CDC25B: variants seen among roughly 807,000 people sequenced by gnomAD.
CDC25B encodes M-phase inducer phosphatase 2.
In CDC25B, 33 loss-of-function variants were observed where a neutral mutation model predicts 69.8. The observed-to-expected ratio is 0.47, with a 90% CI of 0.36 to 0.63. The LOEUF (loss-of-function observed/expected upper bound fraction) is 0.63, where lower values mean the gene tolerates loss of function less well. CDC25B is among the 30% of genes least tolerant of loss of function. The probability of loss-of-function intolerance (pLI) is 0.00; values close to 1 mark genes in which losing one functional copy is unlikely to be tolerated. For missense variants in CDC25B, 727 were observed against 809.1 expected (o/e 0.90, Z 1.23); for synonymous variants, 341 against 314.6 (o/e 1.08, Z -0.89).
At chr20:3,797,849 C>T in intron 2 of CDC25B, 100 bp downstream of exon 2, 6 of 1,439,860 alleles carry the variant, frequency 4.2e-6, no homozygotes, top group Non-Finnish European at 5.7e-6. Flanking sequence ...CTAACATCCT[C>T]CCCACAACCT....
chr20:3,794,800 C>T (rs950382173), upstream of CDC25B, among the ~76,000 whole-genome samples: 2 of 152,278 alleles, frequency 1.3e-5, no homozygotes, highest in Admixed American at 1.3e-4. Flanking sequence ...TTGGCCCACC[C>T]AGCCCCCCAT....
chr20:3,801,346 G>A lies in CDC25B; in HGVS notation c.798G>A (p.Glu266=), dbSNP rs1442910201. The change falls in exon 8 of 16, where the codon GAG becomes GAA. Residue 266 remains glutamate, a synonymous_variant. Coordinates refer to ENST00000245960, the MANE Select transcript of CDC25B (RefSeq NM_021873.4). The part of the protein sequence containing the change: ...FSLTPAEGDT[E]EDDGFVDILE... ...TGACCCCTGCAGAGGGGGATACTGA[G>A]GAAGATGATGGATTTGTGGACATCC... 3.1e-6 allele frequency: 5 copies of A among 1,614,026 alleles called. No individual in the cohort carries two copies. The highest frequency in any genetic ancestry group is 1.7e-5 in the Admixed American group (1 of 59,990).
exon 1 of CDC25B, chr20:3,787,104 A>G (rs1182027363): frequency 3.1e-6 from 2 of 647,930 alleles, no homozygotes; most frequent in African/African-American, 3.7e-5. Flanking sequence ...CAAGAAGTTG[A>G]AAAACGCTTT....
At chr20:3,790,540 G>A (rs1193675053) in intron 1 of CDC25B, among the ~76,000 whole-genome samples, 1 of 150,628 alleles carries the variant, frequency 6.6e-6, no homozygotes, top group East Asian at 2.0e-4. Flanking sequence ...TAACATCTCG[G>A]GCTGGGCACG....
chr20:3,805,134 A>C lies in CDC25B; in HGVS notation c.*173A>C. On this transcript the variant is annotated 3_prime_UTR_variant, in exon 16 of 16. Coordinates refer to ENST00000245960, the MANE Select transcript of CDC25B (RefSeq NM_021873.4). ...CCAGATTCCCCTGTGTCATCCCATC[A>C]TTTTCCATATCCTGGTGCCCCCCAC... 1.5e-6 allele frequency: 1 copy of C among 659,436 alleles called. No individual in the cohort carries two copies. Among genetic ancestry groups the C allele is most frequent in the South Asian group, 2.0e-5 (1 of 49,550 alleles). 40.8% of individuals were successfully genotyped at this position (659,436 alleles called of 1,614,324 possible). A position where few individuals can be genotyped will look rare whatever the true frequency, so the allele number is the denominator to read the frequency against.
intron 2 of CDC25B, 99 bp from the exon 3 acceptor site, chr20:3,798,313 C>CAG: frequency 1.6e-6 from 1 of 624,222 alleles, no homozygotes; most frequent in South Asian, 3.2e-5. Context: ...AAACTAGAAA[C>CAG]TGTTTTTTTT....
chr20:3,802,399 T>TA (rs748087060), intron 11 of CDC25B, 23 bp downstream of exon 11: 1 of 1,555,442 alleles, frequency 6.4e-7, no homozygotes, highest in Non-Finnish European at 8.8e-7. Flanking sequence ...GCGAAGGGGG[T>TA]ACCTTGGGGG....
intron 1 of CDC25B, among the ~76,000 whole-genome samples, chr20:3,790,635 A>G (rs2088900254): frequency 6.6e-6 from 1 of 151,958 alleles, no homozygotes; most frequent in Admixed American, 6.6e-5. Flanking sequence ...CAATGGTGCA[A>G]TGTCAGCTCA....
upstream of CDC25B, among the ~76,000 whole-genome samples, chr20:3,792,571 G>A (rs535384495): frequency 1.3e-5 from 2 of 152,262 alleles, no homozygotes; most frequent in South Asian, 2.1e-4. Context: ...AGGTTCAAGC[G>A]ATTCTCCTGC....
intron 3 of CDC25B, 27 bp from the exon 4 acceptor site, chr20:3,800,261 G>A: frequency 6.2e-7 from 1 of 1,606,130 alleles, no homozygotes; most frequent in Non-Finnish European, 8.5e-7. Flanking sequence ...GGGAGCATGG[G>A]TTGCATGGGA....
chr20:3,802,493 G>T (rs1345793381), intron 11 of CDC25B, 117 bp downstream of exon 11: 1 of 683,332 alleles, frequency 1.5e-6, no homozygotes, highest in Non-Finnish European at 2.5e-6. Context: ...CCTTTTCTTT[G>T]TCCTTTGTAT....
exon 1 of CDC25B, chr20:3,787,094 C>G: frequency 1.7e-6 from 1 of 604,050 alleles, no homozygotes; most frequent in South Asian, 1.9e-5. Flanking sequence ...CTGAAAAATT[C>G]AAGAAGTTGA....
At chr20:3,795,671 C>T (rs1425267012), upstream of CDC25B, 1 of 975,912 alleles carries the variant, frequency 1.0e-6, no homozygotes, top group Non-Finnish European at 1.2e-6. Flanking sequence ...AAGAGCCCAT[C>T]AGTTCCGCTT....
Position 3,800,317 on chromosome 20 carries a change from G to T in CDC25B, c.410G>T (p.Arg137Leu). The T allele has an allele frequency of 6.2e-7, 1 of 1,614,072 alleles. No individual in the cohort carries two copies. Among genetic ancestry groups the T allele is most frequent in the Non-Finnish European group, 8.5e-7 (1 of 1,180,022 alleles). Residue 137 changes from arginine (R) to leucine (L), a missense_variant, in exon 4 of 16, where the codon CGG (arginine) becomes CTG (leucine). By Grantham distance (102) the Arg-to-Leu change is moderately radical (BLOSUM62 -2). Transcript: ENST00000245960. Reference protein sequence around the residue: ...TFEQAIQAASRIIRNEQFAIR... With the variant: ...TFEQAIQAASLIIRNEQFAIR... ...GAACAGGCCATCCAGGCAGCCAGCC[G>T]GATCATTCGAAAGTAAGTGTTCCTG...
intron 2 of CDC25B, 22 bp downstream of exon 2, chr20:3,797,771 G>A: frequency 6.2e-7 from 1 of 1,612,910 alleles, no homozygotes; most frequent in East Asian, 2.2e-5. Context: ...GGGAGCCTGG[G>A]GAGATCTGCC....
chr20:3,797,781 C>G, intron 2 of CDC25B, 32 bp downstream of exon 2: 1 of 1,612,052 alleles, frequency 6.2e-7, no homozygotes, highest in South Asian at 1.1e-5. Flanking sequence ...GGAGATCTGC[C>G]TGTGTCAGGA....
chr20:3,796,341 C>A lies in CDC25B; in HGVS notation c.-191C>A, dbSNP rs941510107. The A allele has an allele frequency of 2.5e-5, 33 of 1,323,606 alleles. No homozygotes were observed. Among genetic ancestry groups the A allele is most frequent in the Non-Finnish European group, 2.9e-5 (30 of 1,040,878 alleles). The allele number at this position is 1,323,606 out of a possible 1,614,324, so 82.0% of individuals were successfully genotyped here. ...TTCCCTGGCTGGTGCCTGAGCCCGGCGTCCCTCGCCCCCCGCCCTCCCCGC... is the reference window on the plus strand; with the variant it reads ...TTCCCTGGCTGGTGCCTGAGCCCGGAGTCCCTCGCCCCCCGCCCTCCCCGC... On this transcript the variant is annotated 5_prime_UTR_variant, in exon 1 of 16. Transcript: ENST00000245960.
At chr20:3,797,879 C>T (rs1175365900) in intron 2 of CDC25B, 130 bp downstream of exon 2, 34 of 1,085,936 alleles carry the variant, frequency 3.1e-5, no homozygotes, top group Non-Finnish European at 4.1e-5. Context: ...AGGAGCCTCT[C>T]CCCCACCCTC....
chr20:3,799,522 G>A (rs2089192248), intron 3 of CDC25B, among the ~76,000 whole-genome samples: 1 of 51,170 alleles, frequency 2.0e-5, no homozygotes, highest in African/African-American at 8.8e-5. Flanking sequence ...GTGTGTGTGT[G>A]TGTGCGCGCG....
Sources: allele counts gnomAD v4.1 joint callset (sites outside exome capture counted in the v4.1 genomes callset), GRCh38; gene constraint gnomAD v4.1.1; transcripts MANE v1.5; gene names NCBI Gene and HGNC (gene_info 2026-07-23, HGNC 2026-07-21).